PHC2: variants seen among roughly 807,000 people sequenced by gnomAD.
The protein encoded by PHC2 is polyhomeotic-like protein 2.
PHC2 carries 29 observed loss-of-function variants against 87.4 expected under a neutral mutation model. That is an observed-to-expected ratio of 0.33 (90% confidence interval 0.25 to 0.45). The LOEUF (loss-of-function observed/expected upper bound fraction) is 0.45, where lower values mean the gene tolerates loss of function less well. Ranked by LOEUF, PHC2 falls within the 20% of genes least tolerant of loss-of-function variation. The probability of loss-of-function intolerance (pLI) is 1.00; values close to 1 mark genes in which losing one functional copy is unlikely to be tolerated. For synonymous variants in PHC2, 438 were observed against 461.7 expected (o/e 0.95, Z 0.66); for missense variants, 857 against 1,136.7 (o/e 0.75, Z 3.54).
chr1:33,342,942 G>A (rs1227907995), intron 9 of PHC2, among the ~76,000 whole-genome samples: 2 of 152,220 alleles, frequency 1.3e-5, no homozygotes, highest in African/African-American at 4.8e-5. Flanking sequence ...AAGAGCATGG[G>A]CTCTGGGGGC....
At chr1:33,393,784 T>C (rs369802786) in intron 1 of PHC2, among the ~76,000 whole-genome samples, 8 of 20,816 alleles carry the variant, frequency 3.8e-4, no homozygotes, top group African/African-American at 3.0e-3. Context: ...AACGAAGAGA[T>C]GGATCAGCCC....
chr1:33,389,385 A>G (rs1648935593), intron 1 of PHC2, among the ~76,000 whole-genome samples: 1 of 152,230 alleles, frequency 6.6e-6, no homozygotes, highest in Non-Finnish European at 1.5e-5. Flanking sequence ...CCTACATTAC[A>G]TTATAAACAG....
At chr1:33,391,966 C>G (rs1426269127) in intron 1 of PHC2, among the ~76,000 whole-genome samples, 2 of 152,070 alleles carry the variant, frequency 1.3e-5, no homozygotes, top group Middle Eastern at 3.2e-3. Flanking sequence ...AAAAGGAAGG[C>G]AAGATAAGGG....
At chr1:33,393,463 G>GTTTTTTTTTTTTTTTTTTTTT (rs36030279) in intron 1 of PHC2, among the ~76,000 whole-genome samples, 2 of 131,046 alleles carry the variant, frequency 1.5e-5, no homozygotes, top group African/African-American at 2.9e-5. Context: ...TTTTCAAGAG[G>GTTTTTTTTTTTTTTTTTTTTT]TTTTTTTTTT....
Position 33,349,007 on chromosome 1 carries a change from T to C in PHC2, c.1558+5394A>G, listed in dbSNP as rs1043733145. On this transcript the variant is annotated intron_variant, in intron 9 of 14. Coordinates refer to ENST00000683057, the MANE Select transcript of PHC2 (RefSeq NM_001385109.1). This position sits in a 1 kb window ranked among gnomAD's most constrained non-coding sequence, Gnocchi z 4.2. Reference sequence around the variant, plus strand: ...TGGACTTCAGTTTAAATACAGAATCTCACAAATCCCGATTTTAATGTAAAG... The same window carrying C: ...TGGACTTCAGTTTAAATACAGAATCCCACAAATCCCGATTTTAATGTAAAG... 1.1e-6 allele frequency: 1 copy of C among 930,390 alleles called. No homozygotes were observed. Among genetic ancestry groups the C allele is most frequent in the African/African-American group, 1.8e-5 (1 of 56,200 alleles). The allele number at this position is 930,390 out of a possible 1,614,324, so 57.6% of individuals were successfully genotyped here.
chr1:33,410,505 T>C (rs1195376852), intron 1 of PHC2, among the ~76,000 whole-genome samples: 2 of 152,230 alleles, frequency 1.3e-5, no homozygotes, highest in African/African-American at 4.8e-5. Context: ...CCTGTGTGTA[T>C]GCAGAAAGGA....
At chr1:33,414,755 C>T (rs1535916) in intron 1 of PHC2, among the ~76,000 whole-genome samples, 58,007 of 152,060 alleles carry the variant, frequency 0.38, 11,667 homozygotes, top group South Asian at 0.52. Flanking sequence ...TAATTTATCA[C>T]GTAGAATTTT....
rs984821680 is a variant in PHC2, at chr1:33,349,903, G to A, written c.1558+4498C>T. 1.9e-3 allele frequency: 1,867 copies of A among 975,726 alleles called. 1 individual carries two copies. Among genetic ancestry groups the A allele is most frequent in the Non-Finnish European group, 2.2e-3 (1,806 of 824,296 alleles). The allele number at this position is 975,726 out of a possible 1,614,324, so 60.4% of individuals were successfully genotyped here. On this transcript the variant is annotated intron_variant, in intron 9 of 14. Coordinates refer to ENST00000683057, the MANE Select transcript of PHC2 (RefSeq NM_001385109.1). The surrounding 1 kb of genome is among the most constrained non-coding windows in gnomAD (Gnocchi z 4.2). ...GCAGCCGCCGCGGAGACAATGCGGC[G>A]AGTCTGGGACGGCTCCCGCGGCCGC... is the stretch of plus-strand genomic sequence containing the variant.
chr1:33,410,730 T>C (rs1255563588), intron 1 of PHC2, among the ~76,000 whole-genome samples: 2 of 152,208 alleles, frequency 1.3e-5, no homozygotes, highest in African/African-American at 4.8e-5. Context: ...CTATTTCCAT[T>C]TGTAGGACTG....
intron 1 of PHC2, among the ~76,000 whole-genome samples, chr1:33,389,731 G>A (rs190222856): frequency 1.3e-5 from 2 of 152,208 alleles, no homozygotes; most frequent in African/African-American, 4.8e-5. Context: ...GTGATCTACT[G>A]TGACCACCGG....
intron 9 of PHC2, chr1:33,350,232 C>T (rs1646944153): frequency 6.6e-6 from 1 of 152,266 alleles, no homozygotes; most frequent in African/African-American, 2.4e-5. Context: ...ACCGAGAGCT[C>T]AGTTCGTGCC....
At chr1:33,335,276 ACT>A (rs1452055865) in intron 9 of PHC2, 1 of 984,600 alleles carries the variant, frequency 1.0e-6, no homozygotes, top group Non-Finnish European at 1.2e-6. Context: ...CACTTCTGTA[ACT>A]CTCTCCCGCC....
chr1:33,400,975 T>C (rs902110863), intron 1 of PHC2, among the ~76,000 whole-genome samples: 23 of 152,174 alleles, frequency 1.5e-4, no homozygotes, highest in African/African-American at 5.6e-4. Flanking sequence ...ATTAAAGGAA[T>C]TGTCTGAAGG....
chr1:33,354,545 C>T lies in PHC2; in HGVS notation c.1414G>A (p.Asp472Asn), dbSNP rs142759750. The change falls in exon 9 of 15, where the codon GAC becomes AAC. Residue 472 changes from aspartate to asparagine, a missense_variant. Physicochemically the swap from Asp to Asn is conservative, Grantham distance 23. Transcript: ENST00000683057. ...SPVPQQCVPDDWKEVAPGEKS... is the reference protein window; with the variant it reads ...SPVPQQCVPDNWKEVAPGEKS... The stretch of plus-strand genomic sequence containing the variant: ...TCCCCTGGTGCCACTTCTTTCCAGT[C>T]ATCAGGGACACACTGCTGGGGCTGT... 2.1e-4 allele frequency: 338 copies of T among 1,613,802 alleles called. No individual in the cohort carries two copies. The highest frequency in any genetic ancestry group is 2.6e-4 in the Non-Finnish European group (312 of 1,179,812).
chr1:33,424,103 A>AAAAAAAAAC (rs1650569906), intron 1 of PHC2, among the ~76,000 whole-genome samples: 2 of 151,854 alleles, frequency 1.3e-5, no homozygotes, highest in Non-Finnish European at 2.9e-5. Context: ...GTCTCAAAAA[A>AAAAAAAAAC]AAAAAAAACA....
At chr1:33,353,803 T>C (rs1021473305) in intron 9 of PHC2, among the ~76,000 whole-genome samples, 1 of 152,180 alleles carries the variant, frequency 6.6e-6, no homozygotes, top group African/African-American at 2.4e-5. Flanking sequence ...GCGGAGGTAC[T>C]GCTGTGCCTC....
chr1:33,347,218 T>G, intron 9 of PHC2: 1 of 985,398 alleles, frequency 1.0e-6, no homozygotes. Context: ...TCAGTCCGCT[T>G]AGACTAGAAA....
chr1:33,419,567 T>C (rs1057255115), intron 1 of PHC2, among the ~76,000 whole-genome samples: 10 of 151,210 alleles, frequency 6.6e-5, no homozygotes, highest in African/African-American at 2.2e-4. Flanking sequence ...ATAACCTCCA[T>C]GTCCATTGTC....
Position 33,331,783 on chromosome 1 carries a change from T to G in PHC2, c.1892-321A>C. 1 of 312,506 alleles carries G rather than the reference T, an allele frequency of 3.2e-6. No homozygotes were observed. The highest frequency in any genetic ancestry group is 5.5e-5 in the South Asian group (1 of 18,156). 19.4% of individuals were successfully genotyped at this position (312,506 alleles called of 1,614,324 possible). A position where few individuals can be genotyped will look rare whatever the true frequency, so the allele number is the denominator to read the frequency against. Reference sequence around the variant, plus strand: ...AGCCCCCAGGAAATACTCTGGATGCTGTCACAGCTGCTCCGCTGGCATCAT... The same window carrying G: ...AGCCCCCAGGAAATACTCTGGATGCGGTCACAGCTGCTCCGCTGGCATCAT... On this transcript the variant is annotated intron_variant, in intron 11 of 14. Coordinates refer to ENST00000683057, the MANE Select transcript of PHC2 (RefSeq NM_001385109.1). The surrounding 1 kb of genome is among the most constrained non-coding windows in gnomAD (Gnocchi z 5.2).
Sources: allele counts gnomAD v4.1 joint callset (sites outside exome capture counted in the v4.1 genomes callset), GRCh38; gene constraint gnomAD v4.1.1; non-coding constraint Gnocchi (gnomAD v3.1); transcripts MANE v1.5; gene names NCBI Gene and HGNC (gene_info 2026-07-23, HGNC 2026-07-21).